Variants in NCOR2 observed in about 807,000 individuals in gnomAD.
NCOR2 encodes CTG repeat protein 26.
A neutral mutation model predicts 262.9 loss-of-function variants in NCOR2; 81 were observed. That is an observed-to-expected ratio of 0.31 (90% CI 0.26 to 0.37). NCOR2 has a LOEUF of 0.37. NCOR2 is among the 10% of genes least tolerant of loss of function. The pLI is 1.00. For missense variants in NCOR2, 3,385 were observed against 3,621.4 expected, an observed-to-expected ratio of 0.93 and a Z score of 1.68; for synonymous variants, 1,659 against 1,559.3, an observed-to-expected ratio of 1.06 and a Z score of -1.51.
At chr12:124,489,036 C>T (rs2047932642) in intron 1 of NCOR2, among the ~76,000 whole-genome samples, 1 of 152,020 alleles carries the variant, frequency 6.6e-6, no homozygotes, top group Non-Finnish European at 1.5e-5. Flanking sequence ...CTGGCCCCCA[C>T]CACTAGGCTT....
intron 37 of NCOR2, among the ~76,000 whole-genome samples, chr12:124,337,738 G>C (rs1202850144): frequency 1.3e-5 from 2 of 152,244 alleles, no homozygotes; most frequent in Non-Finnish European, 2.9e-5. Flanking sequence ...GTTGAGAACA[G>C]AGAAAGCTGC....
chr12:124,488,883 T>G (rs906305), intron 1 of NCOR2, among the ~76,000 whole-genome samples: 11,978 of 151,912 alleles, frequency 0.079, 1,511 homozygotes, highest in African/African-American at 0.27. Flanking sequence ...AAGTGGGGGC[T>G]GGGGAGGCCT....
upstream of NCOR2, among the ~76,000 whole-genome samples, chr12:124,498,400 C>G (rs553766180): frequency 3.3e-5 from 5 of 152,206 alleles, no homozygotes; most frequent in Admixed American, 6.5e-5. Context: ...GGGGCTGGAA[C>G]CTCGGCCCCT....
At chr12:124,435,106 T>C (rs1340656049) in intron 8 of NCOR2, among the ~76,000 whole-genome samples, 1 of 152,194 alleles carries the variant, frequency 6.6e-6, no homozygotes, top group Non-Finnish European at 1.5e-5. Flanking sequence ...CCTCAGGGCC[T>C]CTGCACTTGC....
intron 16 of NCOR2, 35 bp from the exon 19 acceptor site, chr12:124,385,922 A>G (rs1565897277): frequency 6.2e-7 from 1 of 1,602,448 alleles, no homozygotes; most frequent in Non-Finnish European, 8.5e-7. Context: ...AGAAGAGGCC[A>G]GGCCCGGCAC....
At chr12:124,388,252 C>T (rs1337424982) in intron 16 of NCOR2, among the ~76,000 whole-genome samples, 1 of 152,198 alleles carries the variant, frequency 6.6e-6, no homozygotes, top group Non-Finnish European at 1.5e-5. Context: ...AGTGGGTGTC[C>T]CATTAGTGCC....
chr12:124,356,880 A>C, intron 22 of NCOR2, 98 bp from the exon 25 acceptor site: 1 of 1,349,482 alleles, frequency 7.4e-7, no homozygotes, highest in Middle Eastern at 2.3e-4. Context: ...TCCTGCACCC[A>C]CAGTAGTGGT....
chr12:124,365,965 C>T (rs1474782333), intron 20 of NCOR2, among the ~76,000 whole-genome samples: 1 of 152,132 alleles, frequency 6.6e-6, no homozygotes, highest in Non-Finnish European at 1.5e-5. Flanking sequence ...ACAGGTTTAC[C>T]TACCACCATC....
At position 124,346,416 on chromosome 12, in the gene NCOR2, G is replaced by A. The variant is rs1443481016; in HGVS notation, c.4359+148C>T. On this transcript the variant is annotated intron_variant, in intron 31 of 46. Coordinates refer to ENST00000405201, the Ensembl canonical transcript of NCOR2. Reference sequence around the variant, plus strand: ...GCGCAGCCCTGGAACACGCACAGCTGAGGCCCGGTGATGAGCAGCTGGGTG... The same window carrying A: ...GCGCAGCCCTGGAACACGCACAGCTAAGGCCCGGTGATGAGCAGCTGGGTG... 4.5e-6 allele frequency: 4 copies of A among 883,816 alleles called. No homozygotes were observed. In the Admixed American group the frequency reaches 1.1e-4, roughly 24 times the overall value. The allele number at this position is 883,816 out of a possible 1,614,324, so 54.7% of individuals were successfully genotyped here. A position where few individuals can be genotyped will look rare whatever the true frequency, so the allele number is the denominator to read the frequency against.
chr12:124,419,719 A>G (rs1046993950), intron 13 of NCOR2, among the ~76,000 whole-genome samples: 2 of 152,224 alleles, frequency 1.3e-5, no homozygotes, highest in Non-Finnish European at 2.9e-5. Context: ...CTCCCCAGCT[A>G]TCTTCCTGGC....
At chr12:124,358,775 A>G (rs1291823380) in intron 22 of NCOR2, among the ~76,000 whole-genome samples, 1 of 138,488 alleles carries the variant, frequency 7.2e-6, no homozygotes, top group Non-Finnish European at 1.6e-5. Context: ...GGAGTGTGCA[A>G]AGGGCATTAC....
chr12:124,333,030 C>G (rs865989933), intron 42 of NCOR2, 100 bp downstream of exon 44: 1 of 1,454,914 alleles, frequency 6.9e-7, no homozygotes, highest in African/African-American at 1.4e-5. Flanking sequence ...GAGCCCTGTG[C>G]CCTTGTCACT....
chr12:124,558,880 A>G (rs1164183582), intron 1 of NCOR2, among the ~76,000 whole-genome samples: 1 of 152,194 alleles, frequency 6.6e-6, no homozygotes, highest in East Asian at 1.9e-4. Context: ...AGGGAAACTG[A>G]GGAACTCCGC....
intron 1 of NCOR2, among the ~76,000 whole-genome samples, chr12:124,557,722 G>A (rs1437094808): frequency 1.3e-5 from 2 of 152,234 alleles, no homozygotes; most frequent in South Asian, 2.1e-4. Context: ...GGCAGATGGC[G>A]TGGGTGGGCG....
rs151058970 is a variant in NCOR2, at chr12:124,468,779, ATCC to A, written c.592-2496_592-2494del. On this transcript the variant is annotated intron_variant, in intron 4 of 46. Coordinates refer to ENST00000405201, the Ensembl canonical transcript of NCOR2. ...CCTCATCACGCCCATCACCCTCATCATCCTCATCACCCTCATCATCCTCATCCT... is the reference window on the plus strand; with the variant it reads ...CCTCATCACGCCCATCACCCTCATCATCATCACCCTCATCATCCTCATCCT... Among the ~76,000 whole-genome samples, 19 of 22,264 alleles carry A rather than the reference ATCC, an allele frequency of 8.5e-4. 1 individual carries two copies. In the South Asian group the frequency reaches 0.024, roughly 28 times the overall value. 14.6% of individuals were successfully genotyped at this position (22,264 alleles called of 152,430 possible). A position where few individuals can be genotyped will look rare whatever the true frequency, so the allele number is the denominator to read the frequency against.
exon 21 of NCOR2, chr12:124,363,711 G>C: frequency 7.1e-7 from 1 of 1,411,860 alleles, no homozygotes; most frequent in South Asian, 1.7e-5. Flanking sequence ...CGCTGCTTCA[G>C]CTGCTTCAGG....
At chr12:124,513,966 G>A (rs975234800) in intron 1 of NCOR2, 2 of 152,264 alleles carry the variant, frequency 1.3e-5, no homozygotes, top group Non-Finnish European at 2.9e-5. Context: ...ACAGGCTGAG[G>A]CCCCGTGGAA....
chr12:124,542,608 ACAGATCAGACCCT>A (rs965456256), intron 1 of NCOR2: 2 of 152,600 alleles, frequency 1.3e-5, no homozygotes, highest in African/African-American at 4.8e-5. Flanking sequence ...CCGCAGACCC[ACAGATCAGACCCT>A]GGCCCCCAAG....
In NCOR2 at chr12:124,388,947, G is replaced by A. The variant is rs2041056018; in HGVS notation, c.1877-3060C>T. ...GGAGGCTGGCTCGAGAGGGGCGGGC[G>A]GGAGGCAGCTCCTCACAAGTCCGCC... On this transcript the variant is annotated intron_variant, in intron 16 of 46. Transcript: ENST00000405201. 4 of 730,990 alleles carry A rather than the reference G, an allele frequency of 5.5e-6. 1 individual carries two copies. Among genetic ancestry groups the A allele is most frequent in the Non-Finnish European group, 7.5e-6 (4 of 530,584 alleles). 45.3% of individuals were successfully genotyped at this position (730,990 alleles called of 1,614,324 possible).
Sources: allele counts gnomAD v4.1 joint callset (sites outside exome capture counted in the v4.1 genomes callset), GRCh38; gene constraint gnomAD v4.1.1; transcripts MANE v1.5; gene names NCBI Gene and HGNC (gene_info 2026-07-23, HGNC 2026-07-21).